The following HNF4G variants were observed in gnomAD, a reference collection of about 807,000 sequenced individuals.
HNF4G encodes the protein hepatocyte nuclear factor 4-gamma.
In HNF4G, 21 loss-of-function variants were observed where a neutral mutation model predicts 50.9. The ratio of observed to expected loss-of-function variants is 0.41; its 90% CI spans 0.29 to 0.59. The LOEUF (loss-of-function observed/expected upper bound fraction) is 0.59, where lower values mean the gene tolerates loss of function less well. HNF4G is among the 20% of genes least tolerant of loss of function. HNF4G has a pLI of 0.26. For missense variants in HNF4G, 527 were observed against 559.4 expected (o/e 0.94, Z 0.58); for synonymous variants, 198 against 185.6 (o/e 1.07, Z -0.54).
intron 2 of HNF4G, among the ~76,000 whole-genome samples, chr8:75,517,958 A>C (rs976898652): frequency 1.3e-5 from 2 of 150,060 alleles, no homozygotes; most frequent in African/African-American, 5.0e-5. Flanking sequence ...GCTGAAATCT[A>C]GGCAGGTTCT....
At chr8:75,469,985 C>T (rs1812076081) in intron 1 of HNF4G, among the ~76,000 whole-genome samples, 1 of 152,138 alleles carries the variant, frequency 6.6e-6, no homozygotes. Flanking sequence ...CCCGGGCTAT[C>T]TTCTCTTTCC....
chr8:75,564,182 C>T lies in HNF4G; in HGVS notation c.*86C>T, dbSNP rs1807398461. Reference sequence around the variant, plus strand: ...CTCAGGATAGCACTTTTGGCAAACTCTTAGCCAAGGCTTCTTCATTGGTGC... The same window carrying T: ...CTCAGGATAGCACTTTTGGCAAACTTTTAGCCAAGGCTTCTTCATTGGTGC... On this transcript the variant is annotated 3_prime_UTR_variant, in exon 10 of 10. Transcript: ENST00000396423. The T allele has an allele frequency of 2.9e-6, 4 of 1,390,036 alleles. No homozygotes were observed. The highest frequency in any genetic ancestry group is 4.0e-6 in the Non-Finnish European group (4 of 1,002,314). 86.1% of individuals were successfully genotyped at this position (1,390,036 alleles called of 1,614,324 possible). A position where few individuals can be genotyped will look rare whatever the true frequency, so the allele number is the denominator to read the frequency against.
intron 1 of HNF4G, among the ~76,000 whole-genome samples, chr8:75,415,059 A>G (rs1810600623): frequency 2.0e-5 from 3 of 152,242 alleles, no homozygotes; most frequent in Non-Finnish European, 4.4e-5. Flanking sequence ...CTAATTTTAG[A>G]CATTCTAAAA....
chr8:75,500,903 G>A (rs1002247145), intron 2 of HNF4G, among the ~76,000 whole-genome samples: 1 of 151,974 alleles, frequency 6.6e-6, no homozygotes, highest in Non-Finnish European at 1.5e-5. Flanking sequence ...GGTTTTTTGA[G>A]GACTGATGAA....
At chr8:75,535,381 A>T (rs1373451791), upstream of HNF4G, among the ~76,000 whole-genome samples, 1 of 151,730 alleles carries the variant, frequency 6.6e-6, no homozygotes, top group African/African-American at 2.4e-5. Context: ...CCTTTTTGAG[A>T]AACAAAAGGT....
chr8:75,510,766 T>C (rs553312424), intron 2 of HNF4G, among the ~76,000 whole-genome samples: 5 of 152,298 alleles, frequency 3.3e-5, no homozygotes, highest in South Asian at 2.1e-4. Context: ...TGCCTAACAA[T>C]GCATTTCTCA....
intron 2 of HNF4G, among the ~76,000 whole-genome samples, chr8:75,511,362 T>C (rs760910546): frequency 2.0e-5 from 3 of 152,200 alleles, no homozygotes; most frequent in Non-Finnish European, 4.4e-5. Flanking sequence ...ACATATACGT[T>C]TGCCTTAATA....
At chr8:75,481,633 A>G (rs1812382052) in intron 1 of HNF4G, among the ~76,000 whole-genome samples, 1 of 152,156 alleles carries the variant, frequency 6.6e-6, no homozygotes, top group African/African-American at 2.4e-5. Flanking sequence ...TGGGACCCCA[A>G]GGCACTTTCT....
rs548574074 is a variant in HNF4G, at chr8:75,562,128, G to A, written c.1246+1662G>A. The stretch of plus-strand genomic sequence containing the variant: ...AATTTACAATAGTCTTTAATAGCTA[G>A]CTACAGCATTTTTTTTTTCTTCCAA... On this transcript the variant is annotated intron_variant, in intron 9 of 9. Transcript: ENST00000396423. Among the ~76,000 whole-genome samples the A allele has an allele frequency of 3.1e-4, 34 of 108,788 alleles. No homozygotes were observed. The South Asian group carries it at 8.6e-3, about 28-fold the overall frequency. 71.4% of individuals were successfully genotyped at this position (108,788 alleles called of 152,430 possible).
intron 1 of HNF4G, among the ~76,000 whole-genome samples, chr8:75,475,881 A>G (rs1354760763): frequency 6.6e-6 from 1 of 152,148 alleles, no homozygotes; most frequent in East Asian, 1.9e-4. Context: ...ACAATAACGT[A>G]CTTTCAATTT....
At chr8:75,441,219 T>G (rs2130546727) in intron 1 of HNF4G, among the ~76,000 whole-genome samples, 1 of 152,194 alleles carries the variant, frequency 6.6e-6, no homozygotes, top group South Asian at 2.1e-4. Flanking sequence ...TTTTTAATTT[T>G]TAATTTCTTT....
rs558438096 is a variant in HNF4G, at chr8:75,543,018, C to A, written c.119-793C>A. ...GGTCAGGGGTTCAAGAACAGCCTGG[C>A]CAACATGGTGAAACCCCGTCTCTAC... On this transcript the variant is annotated intron_variant, in intron 1 of 9. Coordinates refer to ENST00000396423, the MANE Select transcript of HNF4G (RefSeq NM_004133.5). Among the ~76,000 whole-genome samples the A allele has an allele frequency of 5.9e-3, 892 of 152,174 alleles. 6 individuals carry two copies. The highest frequency in any genetic ancestry group is 0.01 in the Non-Finnish European group (684 of 68,000).
chr8:75,556,036 A>G lies in HNF4G; in HGVS notation c.700A>G (p.Arg234Gly). 7.6e-6 allele frequency: 12 copies of G among 1,585,946 alleles called. No homozygotes were observed. The highest frequency in any genetic ancestry group is 1.0e-5 in the Non-Finnish European group (12 of 1,165,608). Reference protein sequence around the residue: ...GEHLLLGATKRSMMYKDILLL... With the variant: ...GEHLLLGATKGSMMYKDILLL... Reference sequence around the variant, plus strand: ...GCACTTACTGCTTGGAGCTACAAAGAGATCCATGATGTATAAAGATATTTT... The same window carrying G: ...GCACTTACTGCTTGGAGCTACAAAGGGATCCATGATGTATAAAGATATTTT... Residue 234 changes from arginine to glycine, a missense_variant, in exon 6 of 10, where the codon AGA becomes GGA. Arg to Gly is a moderately radical substitution (Grantham distance 125). Transcript: ENST00000396423.
Position 75,543,902 on chromosome 8 carries a change from C to A in HNF4G, c.210C>A (p.His70Gln). Reference sequence around the variant, plus strand: ...GTGGGGACAGAGCAACAGGAAAACACTATGGGGCATCCAGCTGTGATGGGT... The same window carrying A: ...GTGGGGACAGAGCAACAGGAAAACAATATGGGGCATCCAGCTGTGATGGGT... ...AICGDRATGK[H>Q]YGASSCDGCK... The change falls in exon 2 of 10, where the codon CAC becomes CAA. Residue 70 changes from histidine to glutamine, a missense_variant. Physicochemically the swap from His to Gln is conservative, Grantham distance 24. This residue lies in a region of HNF4G where 84 missense variants were observed against 87.1 expected (regional missense o/e 0.96). Transcript: ENST00000396423. 1 of 1,613,800 alleles carries A rather than the reference C, an allele frequency of 6.2e-7. No homozygotes were observed. The highest frequency in any genetic ancestry group is 8.5e-7 in the Non-Finnish European group (1 of 1,179,796).
At chr8:75,456,068 T>G (rs1811713337) in intron 1 of HNF4G, among the ~76,000 whole-genome samples, 1 of 152,166 alleles carries the variant, frequency 6.6e-6, no homozygotes, top group South Asian at 2.1e-4. Flanking sequence ...ACACTTCTTA[T>G]CTGAGTATAG....
At chr8:75,473,639 T>C (rs1000986160) in intron 1 of HNF4G, among the ~76,000 whole-genome samples, 2 of 152,178 alleles carry the variant, frequency 1.3e-5, no homozygotes, top group African/African-American at 4.8e-5. Flanking sequence ...CCACTTCACC[T>C]CCTGACTGTC....
intron 1 of HNF4G, among the ~76,000 whole-genome samples, chr8:75,418,624 G>T (rs560924694): frequency 6.6e-6 from 1 of 151,978 alleles, no homozygotes; most frequent in African/African-American, 2.4e-5. Context: ...AGGACAAATG[G>T]CAAAATTGAT....
chr8:75,450,557 G>C (rs1811560390), intron 1 of HNF4G, among the ~76,000 whole-genome samples: 1 of 152,110 alleles, frequency 6.6e-6, no homozygotes, highest in Non-Finnish European at 1.5e-5. Flanking sequence ...CTCACCAACT[G>C]TGTATAAGGG....
chr8:75,466,589 C>T (rs536237572), intron 1 of HNF4G, among the ~76,000 whole-genome samples: 58 of 109,608 alleles, frequency 5.3e-4, no homozygotes, highest in African/African-American at 2.0e-3. Flanking sequence ...TCCTTCCTTC[C>T]TTCCTTCCTT....
Sources: gnomAD v4.1 joint callset for allele counts (sites outside exome capture counted in the v4.1 genomes callset) on GRCh38, gnomAD v4.1.1 for gene constraint, gnomAD v4.1.1 regional missense constraint, MANE v1.5 for transcripts, NCBI Gene and HGNC (gene_info 2026-07-23, HGNC 2026-07-21) for gene names.